The following RPL27A variants were observed in gnomAD, a reference collection of about 807,000 sequenced individuals.
RPL27A encodes the protein large ribosomal subunit protein uL15.
For missense variants in RPL27A, 118 were observed against 189.4 expected (o/e 0.62, Z 2.21); for synonymous variants, 69 against 68.3 (o/e 1.01, Z -0.05).
At chr11:8,683,718 C>T in intron 2 of RPL27A, 1 of 502,310 alleles carries the variant, frequency 2.0e-6, no homozygotes, top group Non-Finnish European at 3.6e-6. Flanking sequence ...ATCACTGTCG[C>T]CCAGGCTGGA....
At chr11:8,684,111 A>T (rs750664374) in intron 3 of RPL27A, 30 bp downstream of exon 3, 2 of 1,581,382 alleles carry the variant, frequency 1.3e-6, no homozygotes, top group South Asian at 2.2e-5. Flanking sequence ...TTTTATTGAC[A>T]CAGCTTGGGA....
chr11:8,688,028 C>G lies in RPL27A; in HGVS notation c.*2222C>G, dbSNP rs1046011179. On this transcript the variant is annotated 3_prime_UTR_variant, in exon 5 of 5. Transcript: ENST00000314138. ...ATTGTCAGTGGGAAATTGGTCCAAGCAGAGGGAATACTGGTTCAGGAAACT... is the reference window on the plus strand; with the variant it reads ...ATTGTCAGTGGGAAATTGGTCCAAGGAGAGGGAATACTGGTTCAGGAAACT... 4 of 152,200 alleles carry G rather than the reference C, an allele frequency of 2.6e-5. No individual in the cohort carries two copies. The highest frequency in any genetic ancestry group is 6.5e-5 in the Admixed American group (1 of 15,270). 9.4% of individuals were successfully genotyped at this position (152,200 alleles called of 1,614,324 possible).
intron 1 of RPL27A, 162 bp downstream of exon 1, chr11:8,682,978 C>A (rs1398974247): frequency 9.7e-7 from 1 of 1,031,892 alleles, no homozygotes; most frequent in East Asian, 2.5e-5. Flanking sequence ...GGCGGGGCTC[C>A]CGGAGCCGTG....
rs113521527 is a variant in RPL27A at position 8,684,267 on chromosome 11, A to G, written c.143+186A>G. 400 of 761,234 alleles carry G rather than the reference A, an allele frequency of 5.3e-4. 2 individuals are homozygous for G. The highest frequency in any genetic ancestry group is 7.7e-4 in the Non-Finnish European group (322 of 415,956). The allele number at this position is 761,234 out of a possible 1,614,324, so 47.2% of individuals were successfully genotyped here. A position where few individuals can be genotyped will look rare whatever the true frequency, so the allele number is the denominator to read the frequency against. Reference sequence around the variant, plus strand: ...ACGCTTGGGTATCGGCTATTGCCTGAGTGTGCTAGAGTCCTCGAAGAGTAA... The same window carrying G: ...ACGCTTGGGTATCGGCTATTGCCTGGGTGTGCTAGAGTCCTCGAAGAGTAA... On this transcript the variant is annotated intron_variant, in intron 3 of 4. Coordinates refer to ENST00000314138, the MANE Select transcript of RPL27A (RefSeq NM_000990.5).
chr11:8,684,019 G>C lies in RPL27A; in HGVS notation c.81G>C (p.Lys27Asn). 6.2e-7 allele frequency: 1 copy of C among 1,612,536 alleles called. No homozygotes were observed. Among genetic ancestry groups the C allele is most frequent in the Non-Finnish European group, 8.5e-7 (1 of 1,179,926 alleles). ...GTATTCCTGCAGGCAAGCACCGGAA[G>C]CACCCCGGCGGCCGCGGTAATGCTG... ...HGHGRIGKHR[K>N]HPGGRGNAGG... Residue 27 changes from lysine (K) to asparagine (N), a missense_variant, in exon 3 of 5, where the codon AAG (lysine) becomes AAC (asparagine). Coordinates refer to ENST00000314138, the MANE Select transcript of RPL27A (RefSeq NM_000990.5).
At position 8,687,389 on chromosome 11, in the gene RPL27A, T is replaced by TCGTCCC. The variant is rs1555082943; in HGVS notation, c.*1584_*1585insGTCCCC. ...CTTGGGCAACAAGAGTGAAACTCTG[T>TCGTCCC]CCACCCCCCCCAAAAAAAGTAAGGG... On this transcript the variant is annotated 3_prime_UTR_variant, in exon 5 of 5. Coordinates refer to ENST00000314138, the MANE Select transcript of RPL27A (RefSeq NM_000990.5). 1 of 100,804 alleles carries TCGTCCC rather than the reference T, an allele frequency of 9.9e-6. No individual in the cohort carries two copies. Among genetic ancestry groups the TCGTCCC allele is most frequent in the African/African-American group, 3.3e-5 (1 of 30,364 alleles). The allele number at this position is 100,804 out of a possible 1,614,324, so 6.2% of individuals were successfully genotyped here.
At chr11:8,682,852 G>A (rs758792135) in intron 1 of RPL27A, 36 bp downstream of exon 1, 2 of 1,604,422 alleles carry the variant, frequency 1.2e-6, no homozygotes, top group Non-Finnish European at 1.7e-6. Context: ...CTTCCTTGCC[G>A]GCGGAGACCC....
chr11:8,682,843 T>C (rs1312986945), intron 1 of RPL27A, 27 bp downstream of exon 1: 1 of 1,608,528 alleles, frequency 6.2e-7, no homozygotes, highest in Non-Finnish European at 8.5e-7. Context: ...TTGCCTCCTC[T>C]TCCTTGCCGG....
In RPL27A at chr11:8,685,842, C is replaced by G. The variant is rs762967464; in HGVS notation, c.*36C>G. 6.2e-7 allele frequency: 1 copy of G among 1,609,084 alleles called. No homozygotes were observed. Among genetic ancestry groups the G allele is most frequent in the South Asian group, 1.1e-5 (1 of 90,988 alleles). ...AGGGAGTTTCATTAAATGCTAACTA[C>G]TTTTTCCTTGTGGTGTGAGTGTAGG... On this transcript the variant is annotated 3_prime_UTR_variant, in exon 5 of 5. Coordinates refer to ENST00000314138, the MANE Select transcript of RPL27A (RefSeq NM_000990.5).
chr11:8,688,567 G>A lies in RPL27A; in HGVS notation c.*2761G>A, dbSNP rs1206437502. The A allele has an allele frequency of 6.6e-6, 1 of 152,180 alleles. No individual in the cohort carries two copies. Among genetic ancestry groups the A allele is most frequent in the Non-Finnish European group, 1.5e-5 (1 of 68,034 alleles). The allele number at this position is 152,180 out of a possible 1,614,324, so 9.4% of individuals were successfully genotyped here. On this transcript the variant is annotated 3_prime_UTR_variant, in exon 5 of 5. Transcript: ENST00000314138. ...TGCTGTGTTCATGGAGGCTCATACTGGCGATCTCTAGTGGCTGGCTAAAGC... is the reference window on the plus strand; with the variant it reads ...TGCTGTGTTCATGGAGGCTCATACTAGCGATCTCTAGTGGCTGGCTAAAGC...
Position 8,685,832 on chromosome 11 carries a change from A to G in RPL27A, c.*26A>G. On this transcript the variant is annotated 3_prime_UTR_variant, in exon 5 of 5. Transcript: ENST00000314138. ...AGCCACATGGAGGGAGTTTCATTAA[A>G]TGCTAACTACTTTTTCCTTGTGGTG... The G allele has an allele frequency of 6.2e-7, 1 of 1,611,778 alleles. No homozygotes were observed. The highest frequency in any genetic ancestry group is 8.5e-7 in the Non-Finnish European group (1 of 1,178,768).
Position 8,683,261 on chromosome 11 carries a change from C to T in RPL27A, c.63C>T (p.Arg21=). 2 of 1,614,186 alleles carry T rather than the reference C, an allele frequency of 1.2e-6. No homozygotes were observed. The highest frequency in any genetic ancestry group is 1.7e-6 in the Non-Finnish European group (2 of 1,179,970). The change falls in exon 2 of 5, where the codon CGC becomes CGT. Residue 21 remains arginine, a synonymous_variant. Transcript: ENST00000314138. ...GCCACGTGAGCCACGGCCACGGCCG[C>T]ATAGGTAAGTGCCGGCTTCCCCTCG... ...LRGHVSHGHG[R]IGKHRKHPGG...
At position 8,684,097 on chromosome 11, in the gene RPL27A, C is replaced by A. The variant is rs986369065; in HGVS notation, c.143+16C>A. 6.8e-6 allele frequency: 11 copies of A among 1,606,290 alleles called. No individual in the cohort carries two copies. Among genetic ancestry groups the A allele is most frequent in the Non-Finnish European group, 7.7e-6 (9 of 1,173,414 alleles). The stretch of plus-strand genomic sequence containing the variant: ...TCGACAAATAGTAAGTGTCCTTGGA[C>A]TGCTTTTATTGACACAGCTTGGGAG... On this transcript the variant is annotated intron_variant, in intron 3 of 4. Transcript: ENST00000314138.
rs2039600342 is a variant in RPL27A, at chr11:8,687,693, A to AGC, written c.*1887_*1888insGC. ...GCCCAGGCTGGAGTGCAGTGGTGCG[A>AGC]TCTCAGATCACTGCAAGCTCCGCCT... On this transcript the variant is annotated 3_prime_UTR_variant, in exon 5 of 5. Coordinates refer to ENST00000314138, the MANE Select transcript of RPL27A (RefSeq NM_000990.5). The AGC allele has an allele frequency of 6.6e-6, 1 of 152,134 alleles. No individual in the cohort carries two copies. The highest frequency in any genetic ancestry group is 2.4e-5 in the African/African-American group (1 of 41,416). 9.4% of individuals were successfully genotyped at this position (152,134 alleles called of 1,614,324 possible).
In RPL27A at chr11:8,684,905, G is replaced by A. The variant is rs534886025; in HGVS notation, c.318+13G>A. 3.7e-6 allele frequency: 6 copies of A among 1,613,946 alleles called. No individual in the cohort carries two copies. Among genetic ancestry groups the A allele is most frequent in the Admixed American group, 1.7e-5 (1 of 60,030 alleles). On this transcript the variant is annotated intron_variant, in intron 4 of 4. Coordinates refer to ENST00000314138, the MANE Select transcript of RPL27A (RefSeq NM_000990.5). ...TGTGGTGCGATCGGTAAGTTAATTG[G>A]ATGTTTTTCTGTACTTCCATACCTT...
rs1379515974 is a variant in RPL27A, at chr11:8,689,527, A to C, written c.*3721A>C. 6.6e-6 allele frequency: 1 copy of C among 152,074 alleles called. No individual in the cohort carries two copies. The highest frequency in any genetic ancestry group is 1.5e-5 in the Non-Finnish European group (1 of 68,010). The allele number at this position is 152,074 out of a possible 1,614,324, so 9.4% of individuals were successfully genotyped here. A position where few individuals can be genotyped will look rare whatever the true frequency, so the allele number is the denominator to read the frequency against. On this transcript the variant is annotated 3_prime_UTR_variant, in exon 5 of 5. Transcript: ENST00000314138. ...AAAGTATCTTGAGAAAAAAAAAAAA[A>C]CTACCAGAACTTGCCGTTGCTGAAA...
At chr11:8,685,219 A>C in intron 4 of RPL27A, 2 of 422,690 alleles carry the variant, frequency 4.7e-6, no homozygotes, top group Non-Finnish European at 4.3e-6. Flanking sequence ...TTTTCCCCCA[A>C]AACAGATGTA....
In RPL27A at chr11:8,689,196, C is replaced by T. The variant is rs956602106; in HGVS notation, c.*3390C>T. The T allele has an allele frequency of 2.0e-5, 3 of 152,280 alleles. No homozygotes were observed. Among genetic ancestry groups the T allele is most frequent in the African/African-American group, 4.8e-5 (2 of 41,462 alleles). 9.4% of individuals were successfully genotyped at this position (152,280 alleles called of 1,614,324 possible). A position where few individuals can be genotyped will look rare whatever the true frequency, so the allele number is the denominator to read the frequency against. ...CCTTCGAAGCGGAGGAATGGCCAAC[C>T]TCGCCGCACTTCGAGCCCCTTTAGG... On this transcript the variant is annotated 3_prime_UTR_variant, in exon 5 of 5. Transcript: ENST00000314138.
chr11:8,682,959 C>T (rs1021387029), intron 1 of RPL27A, 143 bp downstream of exon 1: 3 of 1,192,394 alleles, frequency 2.5e-6, no homozygotes, highest in Non-Finnish European at 1.2e-6. Context: ...GTGGCCGGCG[C>T]GGGCCCGGGG....
Sources: allele counts gnomAD v4.1 joint callset, GRCh38; gene constraint gnomAD v4.1.1; transcripts MANE v1.5; gene names NCBI Gene and HGNC (gene_info 2026-07-23, HGNC 2026-07-21).